Variants in PXDNL observed in about 807,000 individuals in gnomAD.
The protein encoded by PXDNL is probable oxidoreductase PXDNL.
A neutral mutation model predicts 150.8 loss-of-function variants in PXDNL; 145 were observed. The ratio of observed to expected loss-of-function variants is 0.96; its 90% confidence interval spans 0.84 to 1.10. PXDNL has a LOEUF of 1.10. Ranked by LOEUF, PXDNL falls within the 50% of genes least tolerant of loss-of-function variation. PXDNL has a pLI of 0.00. For missense variants in PXDNL, 2,087 were observed against 1,873.9 expected, an observed-to-expected ratio of 1.11 and a Z score of -2.10; for synonymous variants, 757 against 725.7, an observed-to-expected ratio of 1.04 and a Z score of -0.69.
chr8:51,508,415 T>C, intron 4 of PXDNL, among the ~76,000 whole-genome samples: 1 of 152,184 alleles, frequency 6.6e-6, no homozygotes, highest in East Asian at 1.9e-4. Flanking sequence ...GGGACTGACT[T>C]CTTAGTCCTT....
chr8:51,676,879 AT>A (rs1314233576), intron 1 of PXDNL, among the ~76,000 whole-genome samples: 1 of 152,170 alleles, frequency 6.6e-6, no homozygotes, highest in Non-Finnish European at 1.5e-5. Flanking sequence ...CCTGTCAAAA[AT>A]TTTTTCAGAC....
At chr8:51,429,945 A>G (rs1809210656) in intron 12 of PXDNL, among the ~76,000 whole-genome samples, 1 of 152,178 alleles carries the variant, frequency 6.6e-6, no homozygotes, top group Non-Finnish European at 1.5e-5. Context: ...TGCTGAGACC[A>G]TGGCTGATTG....
intron 2 of PXDNL, among the ~76,000 whole-genome samples, chr8:51,629,065 C>T (rs1314571852): frequency 2.0e-5 from 3 of 151,872 alleles, no homozygotes; most frequent in African/African-American, 7.3e-5. Context: ...ATTGGACTAA[C>T]TAGACAAAGA....
intron 1 of PXDNL, among the ~76,000 whole-genome samples, chr8:51,673,590 C>G (rs1815545497): frequency 6.6e-6 from 1 of 152,154 alleles, no homozygotes; most frequent in Non-Finnish European, 1.5e-5. Flanking sequence ...AAGCAATGCC[C>G]TTGACTATGG....
chr8:51,436,465 A>C, intron 12 of PXDNL: 13 of 354,060 alleles, frequency 3.7e-5, no homozygotes, highest in South Asian at 3.4e-4. Flanking sequence ...AGATGTGCAG[A>C]AACTGAGAAA....
At chr8:51,646,881 G>A (rs1048638557) in intron 2 of PXDNL, among the ~76,000 whole-genome samples, 6 of 152,154 alleles carry the variant, frequency 3.9e-5, no homozygotes, top group African/African-American at 1.4e-4. Context: ...ATGATCCAGG[G>A]CACAGGTGGT....
chr8:51,481,819 T>C (rs1285045496), intron 6 of PXDNL, among the ~76,000 whole-genome samples: 2 of 152,232 alleles, frequency 1.3e-5, no homozygotes, highest in African/African-American at 2.4e-5. Flanking sequence ...AAGTCAAGAA[T>C]TGAGGTTTGG....
intron 1 of PXDNL, among the ~76,000 whole-genome samples, chr8:51,790,118 G>T (rs1336688207): frequency 6.6e-6 from 1 of 151,984 alleles, no homozygotes; most frequent in Non-Finnish European, 1.5e-5. Flanking sequence ...AAAAAGCACA[G>T]TATGACTGTA....
chr8:51,584,676 C>T (rs2130636232), intron 3 of PXDNL, among the ~76,000 whole-genome samples: 1 of 152,168 alleles, frequency 6.6e-6, no homozygotes, highest in East Asian at 1.9e-4. Context: ...ATATCAAATG[C>T]CACATACCAG....
intron 1 of PXDNL, among the ~76,000 whole-genome samples, chr8:51,752,213 G>A (rs1368448484): frequency 6.6e-6 from 1 of 152,100 alleles, no homozygotes; most frequent in Non-Finnish European, 1.5e-5. Context: ...CAGGTGCTGG[G>A]GTGATTACCC....
chr8:51,421,988 C>T (rs575414466), intron 14 of PXDNL, among the ~76,000 whole-genome samples: 6 of 152,228 alleles, frequency 3.9e-5, no homozygotes, highest in Admixed American at 6.5e-5. Context: ...AGCAGGCAAG[C>T]GAGCATTACT....
intron 21 of PXDNL, chr8:51,321,099 T>A (rs960052233): frequency 1.7e-4 from 78 of 469,104 alleles, no homozygotes; most frequent in Non-Finnish European, 2.8e-4. Context: ...AATAAACAGT[T>A]CTGTAGGTGT....
chr8:51,753,340 A>G (rs537008314), intron 1 of PXDNL, among the ~76,000 whole-genome samples: 6 of 152,334 alleles, frequency 3.9e-5, no homozygotes, highest in Admixed American at 1.3e-4. Context: ...ATGAATGACG[A>G]ATACCAGGCA....
intron 17 of PXDNL, among the ~76,000 whole-genome samples, chr8:51,403,786 G>T (rs953865995): frequency 6.6e-6 from 1 of 152,142 alleles, no homozygotes; most frequent in African/African-American, 2.4e-5. Context: ...TAATAAGCGG[G>T]GCCTTAGGTG....
intron 3 of PXDNL, among the ~76,000 whole-genome samples, chr8:51,557,434 C>A (rs922864231): frequency 6.6e-6 from 1 of 152,128 alleles, no homozygotes; most frequent in African/African-American, 2.4e-5. Flanking sequence ...TACAACTAAT[C>A]TTTACCAAAG....
intron 17 of PXDNL, among the ~76,000 whole-genome samples, chr8:51,398,900 T>C (rs1808166635): frequency 6.6e-6 from 1 of 152,192 alleles, no homozygotes; most frequent in African/African-American, 2.4e-5. Flanking sequence ...ATGCTCTTAT[T>C]GAATTAACAT....
intron 12 of PXDNL, among the ~76,000 whole-genome samples, chr8:51,441,975 A>C (rs543129048): frequency 2.3e-4 from 34 of 150,742 alleles, no homozygotes; most frequent in African/African-American, 8.5e-4. Flanking sequence ...CCACAAAGCA[A>C]CAGAAGGAGA....
chr8:51,551,337 T>C (rs143895619), intron 4 of PXDNL, among the ~76,000 whole-genome samples: 134 of 151,930 alleles, frequency 8.8e-4, no homozygotes, highest in Non-Finnish European at 1.0e-3. Flanking sequence ...ATCCTAAAAT[T>C]CATATGGAAC....
At chr8:51,725,362 G>A (rs575925218) in intron 1 of PXDNL, among the ~76,000 whole-genome samples, 73 of 152,320 alleles carry the variant, frequency 4.8e-4, no homozygotes, top group African/African-American at 1.6e-3. Context: ...AATAAAAGAT[G>A]TGTTTTTATT....
Sources: gnomAD v4.1 joint callset for allele counts (sites outside exome capture counted in the v4.1 genomes callset) on GRCh38, gnomAD v4.1.1 for gene constraint, MANE v1.5 for transcripts, NCBI Gene and HGNC (gene_info 2026-07-23, HGNC 2026-07-21) for gene names.